The following NRXN1 variants were observed in gnomAD, a reference collection of about 807,000 sequenced individuals.
NRXN1 encodes neurexin-1.
NRXN1 carries 39 observed loss-of-function variants against 150.9 expected under a neutral mutation model. That is an observed-to-expected ratio of 0.26 (90% CI 0.20 to 0.34). The LOEUF is 0.34. NRXN1 is among the 10% of genes least tolerant of loss of function. The probability of loss-of-function intolerance (pLI) is 1.00; values close to 1 mark genes in which losing one functional copy is unlikely to be tolerated. For missense variants in NRXN1, 1,815 were observed against 1,949.9 expected, an observed-to-expected ratio of 0.93 and a Z score of 1.30; for synonymous variants, 924 against 757.0, an observed-to-expected ratio of 1.22 and a Z score of -3.62.
At chr2:50,553,888 G>A (rs543143946) in intron 8 of NRXN1, among the ~76,000 whole-genome samples, 3 of 152,230 alleles carry the variant, frequency 2.0e-5, no homozygotes, top group Non-Finnish European at 2.9e-5. Context: ...CAGGGTTCAC[G>A]GTATCATACA....
At chr2:50,788,426 T>A (rs1039647398) in intron 5 of NRXN1, among the ~76,000 whole-genome samples, 2 of 152,042 alleles carry the variant, frequency 1.3e-5, no homozygotes, top group African/African-American at 4.8e-5. Context: ...AGCTTTCTGT[T>A]GAGACTGCAT....
At chr2:50,617,431 C>A (rs1430988142) in intron 8 of NRXN1, among the ~76,000 whole-genome samples, 3 of 147,936 alleles carry the variant, frequency 2.0e-5, no homozygotes, top group African/African-American at 7.5e-5. Context: ...AAGACTCCAT[C>A]TCTTAAAAAA....
intron 18 of NRXN1, among the ~76,000 whole-genome samples, chr2:50,213,828 C>T (rs760627232): frequency 6.6e-6 from 1 of 151,730 alleles, no homozygotes; most frequent in Non-Finnish European, 1.5e-5. Flanking sequence ...GAAGGTATTC[C>T]ATTTAAAAAG....
chr2:50,211,015 T>C (rs1247736934), intron 18 of NRXN1, among the ~76,000 whole-genome samples: 1 of 151,718 alleles, frequency 6.6e-6, no homozygotes, highest in Non-Finnish European at 1.5e-5. Context: ...TTAAGTTCTA[T>C]TAAAGAGAAA....
chr2:50,948,133 A>G (rs1690703711), intron 2 of NRXN1, among the ~76,000 whole-genome samples: 1 of 152,002 alleles, frequency 6.6e-6, no homozygotes, highest in South Asian at 2.1e-4. Flanking sequence ...TTCAATAAAA[A>G]ATAAAAGCCA....
chr2:51,011,259 A>G (rs1439241658), intron 2 of NRXN1, among the ~76,000 whole-genome samples: 1 of 151,932 alleles, frequency 6.6e-6, no homozygotes, highest in East Asian at 1.9e-4. Context: ...TCTTCTTAAT[A>G]TCTTGCAGTG....
At chr2:50,169,873 C>T (rs1210496446) in intron 18 of NRXN1, among the ~76,000 whole-genome samples, 2 of 151,710 alleles carry the variant, frequency 1.3e-5, no homozygotes, top group Non-Finnish European at 2.9e-5. Flanking sequence ...CAGTTTGGTA[C>T]AGTAAAGAGA....
intron 22 of NRXN1, chr2:49,926,490 GT>G (rs1669130273): frequency 2.5e-6 from 1 of 396,356 alleles, no homozygotes; most frequent in Admixed American, 4.4e-5. Flanking sequence ...TGTTTGGACA[GT>G]TAGTAACCTA....
intron 21 of NRXN1, among the ~76,000 whole-genome samples, chr2:50,029,694 T>C (rs1389942730): frequency 1.3e-5 from 2 of 152,112 alleles, no homozygotes; most frequent in Admixed American, 1.3e-4. Flanking sequence ...ACCGTAAGAA[T>C]AAATTTCTGT....
intron 21 of NRXN1, 58 bp downstream of exon 21, chr2:50,053,213 A>T: frequency 6.4e-7 from 1 of 1,564,464 alleles, no homozygotes; most frequent in Non-Finnish European, 8.8e-7. Context: ...TATGCAGAAA[A>T]GCCCACTATC....
At chr2:50,361,228 T>A (rs1025359439) in intron 17 of NRXN1, among the ~76,000 whole-genome samples, 17 of 151,226 alleles carry the variant, frequency 1.1e-4, no homozygotes, top group African/African-American at 4.1e-4. Context: ...TCAAACAAAT[T>A]CAAAAGCTAG....
At chr2:50,970,149 G>A (rs999431851) in intron 2 of NRXN1, among the ~76,000 whole-genome samples, 1 of 152,130 alleles carries the variant, frequency 6.6e-6, no homozygotes, top group African/African-American at 2.4e-5. Context: ...ACACAGAAAG[G>A]TGGAGAGAAA....
chr2:50,369,804 T>C (rs1034431584), intron 17 of NRXN1, among the ~76,000 whole-genome samples: 1 of 152,006 alleles, frequency 6.6e-6, no homozygotes, highest in Non-Finnish European at 1.5e-5. Flanking sequence ...TGATGCTTTC[T>C]GAATGTACGG....
intron 17 of NRXN1, among the ~76,000 whole-genome samples, chr2:50,322,354 A>G (rs1443227582): frequency 6.6e-6 from 1 of 152,190 alleles, no homozygotes; most frequent in African/African-American, 2.4e-5. Context: ...GTTGCATTTA[A>G]TAATCTGACC....
chr2:49,970,389 A>G (rs1677741676), intron 21 of NRXN1: 1 of 152,104 alleles, frequency 6.6e-6, no homozygotes, highest in Non-Finnish European at 1.5e-5. Context: ...AATATAAACT[A>G]TCTCTCATAT....
intron 21 of NRXN1, among the ~76,000 whole-genome samples, chr2:49,953,769 G>C (rs1312926114): frequency 6.6e-6 from 1 of 152,012 alleles, no homozygotes; most frequent in East Asian, 1.9e-4. Flanking sequence ...AAGTGTAAAA[G>C]TGCCCACGAT....
intron 17 of NRXN1, among the ~76,000 whole-genome samples, chr2:50,325,034 G>A (rs2076294011): frequency 2.0e-5 from 3 of 152,082 alleles, no homozygotes; most frequent in African/African-American, 7.2e-5. Flanking sequence ...TTTGGGACTG[G>A]GGAAATACAT....
At chr2:51,007,836 T>C (rs1457544086) in intron 2 of NRXN1, among the ~76,000 whole-genome samples, 1 of 151,908 alleles carries the variant, frequency 6.6e-6, no homozygotes, top group African/African-American at 2.4e-5. Flanking sequence ...AGTTTTCATC[T>C]TAGGTATATT....
At chr2:50,819,833 T>A (rs1169790123) in intron 5 of NRXN1, among the ~76,000 whole-genome samples, 1 of 152,088 alleles carries the variant, frequency 6.6e-6, no homozygotes, top group East Asian at 1.9e-4. Flanking sequence ...GAGAAGTGGT[T>A]ATAAATCCCA....
Sources: gnomAD v4.1 joint callset for allele counts (sites outside exome capture counted in the v4.1 genomes callset) on GRCh38, gnomAD v4.1.1 for gene constraint, MANE v1.5 for transcripts, NCBI Gene and HGNC (gene_info 2026-07-23, HGNC 2026-07-21) for gene names.